LSM14A: variants seen among roughly 807,000 people sequenced by gnomAD.
LSM14A encodes LSM14A mRNA processing body assembly factor, also known as protein LSM14 homolog A.
LSM14A carries 14 observed loss-of-function variants against 52.4 expected under a neutral mutation model. The ratio of observed to expected loss-of-function variants is 0.27; its 90% CI spans 0.18 to 0.42. The LOEUF (loss-of-function observed/expected upper bound fraction) is 0.42, where lower values mean the gene tolerates loss of function less well. LSM14A is among the 10% of genes least tolerant of loss of function. The pLI, the probability that LSM14A is intolerant of heterozygous loss-of-function variation, is 1.00. For synonymous variants in LSM14A, 185 were observed against 200.3 expected (o/e 0.92, Z 0.64); for missense variants, 417 against 581.8 (o/e 0.72, Z 2.91).
At chr19:34,209,307 A>G (rs1375114166) in intron 4 of LSM14A, among the ~76,000 whole-genome samples, 2 of 152,224 alleles carry the variant, frequency 1.3e-5, no homozygotes, top group Non-Finnish European at 2.9e-5. Context: ...TTGCAAAGCA[A>G]TTATATAACT....
intron 5 of LSM14A, 59 bp from the exon 6 acceptor site, chr19:34,215,537 G>T: frequency 1.5e-6 from 2 of 1,371,682 alleles, no homozygotes; most frequent in Non-Finnish European, 1.0e-6. Context: ...TTCTAACTAT[G>T]GAAGTTTTTG....
chr19:34,219,291 T>C (rs1277951710), intron 6 of LSM14A, 100 bp from the exon 7 acceptor site: 3 of 638,684 alleles, frequency 4.7e-6, no homozygotes, highest in Non-Finnish European at 7.9e-6. Context: ...TAAGCATTTC[T>C]GTTGTTGACT....
intron 4 of LSM14A, among the ~76,000 whole-genome samples, chr19:34,214,311 T>TATTC (rs1367240226): frequency 3.3e-5 from 5 of 151,470 alleles, no homozygotes; most frequent in Non-Finnish European, 5.9e-5. Flanking sequence ...TTTATTTATT[T>TATTC]ATTTATTTAT....
chr19:34,200,587 G>A (rs2071220453), intron 3 of LSM14A, among the ~76,000 whole-genome samples: 1 of 152,276 alleles, frequency 6.6e-6, no homozygotes, highest in East Asian at 1.9e-4. Flanking sequence ...GGTTTGGTTA[G>A]ATGTTAACAG....
chr19:34,199,042 A>G (rs1456810215), intron 3 of LSM14A, among the ~76,000 whole-genome samples: 3 of 152,154 alleles, frequency 2.0e-5, no homozygotes, highest in Non-Finnish European at 4.4e-5. Context: ...TAACTTTTAC[A>G]CTCTTAGTAG....
chr19:34,214,034 C>T (rs549131958), intron 4 of LSM14A, among the ~76,000 whole-genome samples: 1 of 152,156 alleles, frequency 6.6e-6, no homozygotes, highest in Non-Finnish European at 1.5e-5. Context: ...CTGCCCATCT[C>T]AGCCTCCCAA....
chr19:34,198,758 G>A (rs746157013), intron 3 of LSM14A, among the ~76,000 whole-genome samples: 10 of 152,198 alleles, frequency 6.6e-5, no homozygotes, highest in East Asian at 1.9e-4. Context: ...AGGCCAAGGC[G>A]TGTGGATCAC....
At chr19:34,183,895 T>C (rs1006784819) in intron 1 of LSM14A, among the ~76,000 whole-genome samples, 4 of 152,146 alleles carry the variant, frequency 2.6e-5, no homozygotes, top group African/African-American at 4.8e-5. Flanking sequence ...CCACTGTAAG[T>C]GTGCGGTCCC....
chr19:34,199,810 G>A (rs766098441), intron 3 of LSM14A, among the ~76,000 whole-genome samples: 3 of 152,132 alleles, frequency 2.0e-5, no homozygotes, highest in Non-Finnish European at 4.4e-5. Flanking sequence ...TAGAAGCAGT[G>A]GTAGATAAAG....
chr19:34,188,272 C>G (rs1004448129), intron 1 of LSM14A, among the ~76,000 whole-genome samples: 2 of 152,054 alleles, frequency 1.3e-5, no homozygotes, highest in Non-Finnish European at 2.9e-5. Context: ...GACTGGATGA[C>G]AGAGAAGGGA....
At chr19:34,215,888 A>C (rs550231122) in intron 6 of LSM14A, among the ~76,000 whole-genome samples, 41 of 152,178 alleles carry the variant, frequency 2.7e-4, no homozygotes, top group Non-Finnish European at 4.0e-4. Context: ...GCATAAAGAC[A>C]TACCAAAAAA....
At chr19:34,182,992 ATTG>A (rs1227264946) in intron 1 of LSM14A, among the ~76,000 whole-genome samples, 2 of 150,546 alleles carry the variant, frequency 1.3e-5, no homozygotes, top group Admixed American at 1.3e-4. Context: ...CAGCCTTGTT[ATTG>A]TTGTTTTTAA....
chr19:34,185,183 A>T (rs184967523), intron 1 of LSM14A, among the ~76,000 whole-genome samples: 148 of 152,334 alleles, frequency 9.7e-4, no homozygotes, highest in Non-Finnish European at 1.9e-3. Flanking sequence ...GATTTTGAGA[A>T]TATATTGCAG....
intron 1 of LSM14A, among the ~76,000 whole-genome samples, chr19:34,186,228 A>G (rs556840359): frequency 2.4e-3 from 367 of 152,328 alleles, no homozygotes; most frequent in South Asian, 6.2e-3. Flanking sequence ...GTGGTTTTCA[A>G]AGGAAGAACA....
chr19:34,223,003 C>T (rs1332295347), intron 9 of LSM14A, among the ~76,000 whole-genome samples: 1 of 152,152 alleles, frequency 6.6e-6, no homozygotes, highest in Admixed American at 6.5e-5. Context: ...AATTTGGGGT[C>T]TTTCTTCCTA....
At chr19:34,175,760 C>T (rs1213470017) in intron 1 of LSM14A, among the ~76,000 whole-genome samples, 1 of 152,054 alleles carries the variant, frequency 6.6e-6, no homozygotes, top group Non-Finnish European at 1.5e-5. Flanking sequence ...TTGAGTAATT[C>T]GATATCAGAA....
In LSM14A at chr19:34,184,569, C is replaced by T. The variant is rs150012778; in HGVS notation, c.122-9909C>T. ...TGAAGTTATAAGCAATTTTTATTTA[C>T]ATACAGAAACATTTGGGGAGAGGGT... On this transcript the variant is annotated intron_variant, in intron 1 of 9. Transcript: ENST00000544216. Among the ~76,000 whole-genome samples, 631 of 152,220 alleles carry T rather than the reference C, an allele frequency of 4.1e-3. 6 individuals carry two copies. The highest frequency in any genetic ancestry group is 0.014 in the African/African-American group (597 of 41,538).
At chr19:34,182,560 G>A (rs1164909708) in intron 1 of LSM14A, among the ~76,000 whole-genome samples, 1 of 151,752 alleles carries the variant, frequency 6.6e-6, no homozygotes, top group African/African-American at 2.4e-5. Context: ...ACTCTCGGCC[G>A]GGCGCGGTGG....
At chr19:34,219,608 T>C (rs764772465) in intron 7 of LSM14A, 35 bp downstream of exon 7, 9 of 1,587,832 alleles carry the variant, frequency 5.7e-6, no homozygotes, top group Admixed American at 3.5e-5. Flanking sequence ...AAAATAATCT[T>C]ATTTGATCTG....
Sources: allele counts gnomAD v4.1 joint callset (sites outside exome capture counted in the v4.1 genomes callset), GRCh38; gene constraint gnomAD v4.1.1; transcripts MANE v1.5; gene names NCBI Gene and HGNC (gene_info 2026-07-23, HGNC 2026-07-21).